The following KMT2D variants were observed in gnomAD, a reference collection of about 807,000 sequenced individuals.
KMT2D encodes histone-lysine N-methyltransferase 2D.
KMT2D carries 55 observed loss-of-function variants against 512.7 expected under a neutral mutation model. The ratio of observed to expected loss-of-function variants is 0.11; its 90% confidence interval spans 0.09 to 0.13. KMT2D has a LOEUF of 0.13. Among genes scored for constraint, KMT2D ranks in the 10% least tolerant of loss-of-function variants. The pLI, the probability that KMT2D is intolerant of heterozygous loss-of-function variation, is 1.00. For missense variants in KMT2D, 6,061 were observed against 7,127.9 expected, an observed-to-expected ratio of 0.85 and a Z score of 5.39; for synonymous variants, 2,995 against 2,904.0, an observed-to-expected ratio of 1.03 and a Z score of -1.01.
rs1943074670 is a variant in KMT2D at position 49,033,775 on chromosome 12, G to A, written c.10930C>T (p.Pro3644Ser). 1.2e-6 allele frequency: 2 copies of A among 1,608,820 alleles called. No individual in the cohort carries two copies. Among genetic ancestry groups the A allele is most frequent in the African/African-American group, 2.7e-5 (2 of 74,784 alleles). Reference protein sequence around the residue: ...QLLPGHGLQPPQGPPGGQAGG... With the variant: ...QLLPGHGLQPSQGPPGGQAGG... ...GCTTGCCCACCCGGAGGCCCCTGTG[G>A]TGGCTGCAGCCCATGGCCAGGGAGC... The change falls in exon 40 of 55, where the codon CCA becomes TCA. Residue 3644 changes from proline to serine, a missense_variant. By Grantham distance (74) the Pro-to-Ser change is moderately conservative. Around this residue, in one of 16 missense-constraint regions of KMT2D, gnomAD observed 1,600 missense variants for 1,754.9 expected, o/e 0.91. Coordinates refer to ENST00000301067, the MANE Select transcript of KMT2D (RefSeq NM_003482.4).
In KMT2D at chr12:49,049,979, G is replaced by A. The variant is rs1267336303; in HGVS notation, c.3609C>T (p.Asp1203=). 1.2e-6 allele frequency: 2 copies of A among 1,613,994 alleles called. No homozygotes were observed. Among genetic ancestry groups the A allele is most frequent in the South Asian group, 2.2e-5 (2 of 91,090 alleles). The part of the protein sequence containing the change: ...APTPPTLIKS[D]IVNEISNLSQ... ...TCAGATTAGAGATCTCGTTAACGATGTCGGATTTGATGAGAGTGGGTGGTG... is the reference window on the plus strand; with the variant it reads ...TCAGATTAGAGATCTCGTTAACGATATCGGATTTGATGAGAGTGGGTGGTG... The change falls in exon 12 of 55, where the codon GAC becomes GAT. Residue 1203 remains aspartate (D), a synonymous_variant. Coordinates refer to ENST00000301067, the MANE Select transcript of KMT2D (RefSeq NM_003482.4).
Position 49,060,332 on chromosome 12 carries a change from C to T in KMT2D, c.-757G>A, listed in dbSNP as rs555042375. Among the ~76,000 whole-genome samples, 142 of 152,138 alleles carry T rather than the reference C, an allele frequency of 9.3e-4. No homozygotes were observed. The highest frequency in any genetic ancestry group is 3.3e-3 in the African/African-American group (135 of 41,522). On this transcript the variant is annotated 5_prime_UTR_variant, in exon 1 of 55. Transcript: ENST00000301067. ...AGGGGCGGGCGGTGCGAGCCCTCTG[C>T]CCGCTCCCCTCCGGCCGCTCCAGGC...
rs1274408974 is a variant in KMT2D, at chr12:49,033,224, C to T, written c.11481G>A (p.Val3827=). The T allele has an allele frequency of 6.4e-7, 1 of 1,551,886 alleles. No individual in the cohort carries two copies. Among genetic ancestry groups the T allele is most frequent in the African/African-American group, 1.4e-5 (1 of 73,188 alleles). The part of the protein sequence containing the change: ...ALGPQGPHRQ[V]LMTQSRVLSS... ...TGAGCACCCGGGACTGGGTCATAAG[C>T]ACCTGTCTGTGAGGGCCCTGGGGGC... Residue 3827 remains valine (V), a synonymous_variant, in exon 40 of 55, where the codon GTG becomes GTA. Coordinates refer to ENST00000301067, the MANE Select transcript of KMT2D (RefSeq NM_003482.4).
intron 46 of KMT2D, among the ~76,000 whole-genome samples, chr12:49,028,508 C>T (rs907591187): frequency 2.0e-5 from 3 of 152,114 alleles, no homozygotes; most frequent in Non-Finnish European, 4.4e-5. Context: ...CCACAAAAGC[C>T]CGTTAATATT....
At chr12:49,029,376 T>A (rs746309028) in intron 44 of KMT2D, 25 bp downstream of exon 44, 3 of 1,555,928 alleles carry the variant, frequency 1.9e-6, no homozygotes, top group Admixed American at 3.9e-5. Context: ...TTGTTCCTCA[T>A]CCCCATTTCT....
chr12:49,023,881 T>C (rs1252327257), intron 51 of KMT2D, among the ~76,000 whole-genome samples: 1 of 152,138 alleles, frequency 6.6e-6, no homozygotes, highest in Non-Finnish European at 1.5e-5. Flanking sequence ...CCACAGATTC[T>C]GCCTCCCTCT....
rs536527123 is a variant in KMT2D at position 49,021,662 on chromosome 12, C to G, written c.*118G>C. ...GCCTCCTGCTCCAGGGGCTCCGGGT[C>G]AGCCGGCAGCCCCAACCCTGGGTCC... On this transcript the variant is annotated 3_prime_UTR_variant, in exon 55 of 55. Transcript: ENST00000301067. 5.9e-6 allele frequency: 5 copies of G among 848,308 alleles called. No homozygotes were observed. The highest frequency in any genetic ancestry group is 9.3e-6 in the Non-Finnish European group (5 of 540,430). 52.5% of individuals were successfully genotyped at this position (848,308 alleles called of 1,614,324 possible).
Position 49,041,222 on chromosome 12 carries a change from T to C in KMT2D, c.6548A>G (p.Tyr2183Cys), listed in dbSNP as rs1281047785. The C allele has an allele frequency of 1.6e-5, 24 of 1,511,656 alleles. No individual in the cohort carries two copies. The East Asian group carries it at 5.5e-4, about 35-fold the overall frequency. 93.6% of individuals were successfully genotyped at this position (1,511,656 alleles called of 1,614,324 possible). ...CGTGGGGAAGCGGGGCTCCAGGGGA[T>C]AGGCAGGGGCCAGTCCAAAGGGGTC... ...SQDPFGLAPA[Y>C]PLEPRFPTAP... The change falls in exon 32 of 55, where the codon TAT (tyrosine) becomes TGT (cysteine). Residue 2183 changes from tyrosine to cysteine, a missense_variant. Transcript: ENST00000301067. The surrounding 1 kb of genome is among the most constrained non-coding windows in gnomAD (Gnocchi z 5.4).
At chr12:49,048,186 A>G (rs1565809813) in intron 14 of KMT2D, 117 bp from the exon 15 acceptor site, 1 of 663,180 alleles carries the variant, frequency 1.5e-6, no homozygotes, top group Non-Finnish European at 2.6e-6. Flanking sequence ...CCCATCCCAC[A>G]GCGTTAGGAT....
chr12:49,058,798 A>G (rs1938562759), intron 1 of KMT2D, among the ~76,000 whole-genome samples: 1 of 152,212 alleles, frequency 6.6e-6, no homozygotes, highest in South Asian at 2.1e-4. Flanking sequence ...CCAGCTCTCC[A>G]TACCAGGCCG....
chr12:49,026,904 C>T lies in KMT2D; in HGVS notation c.15062G>A (p.Arg5021Gln), dbSNP rs754444347. 5 of 1,614,018 alleles carry T rather than the reference C, an allele frequency of 3.1e-6. No homozygotes were observed. Among genetic ancestry groups the T allele is most frequent in the Middle Eastern group, 3.3e-4 (2 of 6,062 alleles). Residue 5021 changes from arginine to glutamine, a missense_variant, in exon 49 of 55, where the codon CGA becomes CAA. Physicochemically the swap from Arg to Gln is conservative, Grantham distance 43. Coordinates refer to ENST00000301067, the MANE Select transcript of KMT2D (RefSeq NM_003482.4). The surrounding 1 kb of genome is among the most constrained non-coding windows in gnomAD (Gnocchi z 9.6). ...CATGTCTCGCGGTACCTTGTCAGGT[C>T]GCAAGGCTGTGCCAAGCTGCTCCAT... ...EFMEQLGTALRPDKVPRDMRR... is the reference protein window; with the variant it reads ...EFMEQLGTALQPDKVPRDMRR...
rs1333286377 is a variant in KMT2D at position 49,031,158 on chromosome 12, C to G, written c.13530+17G>C. The G allele has an allele frequency of 6.2e-7, 1 of 1,607,280 alleles. No individual in the cohort carries two copies. Among genetic ancestry groups the G allele is most frequent in the Admixed American group, 1.7e-5 (1 of 59,886 alleles). On this transcript the variant is annotated intron_variant, in intron 40 of 54. Coordinates refer to ENST00000301067, the MANE Select transcript of KMT2D (RefSeq NM_003482.4). ...TAGGACCCACTCTACCTGCTCCACT[C>G]TACTCAGAGTACTCACCTCCTTGTT...
intron 1 of KMT2D, among the ~76,000 whole-genome samples, chr12:49,058,651 C>A (rs1341391739): frequency 6.6e-6 from 1 of 152,184 alleles, no homozygotes; most frequent in Non-Finnish European, 1.5e-5. Context: ...CAAGCAATTT[C>A]TCCTCCAGAG....
At chr12:49,045,313 G>T (rs758410137) in intron 19 of KMT2D, among the ~76,000 whole-genome samples, 3 of 152,134 alleles carry the variant, frequency 2.0e-5, no homozygotes, top group Non-Finnish European at 4.4e-5. Flanking sequence ...GCCATATCAC[G>T]ATGGAGATGT....
intron 35 of KMT2D, 51 bp downstream of exon 35, chr12:49,037,074 G>C (rs2120473309): frequency 2.0e-6 from 3 of 1,520,432 alleles, no homozygotes; most frequent in Non-Finnish European, 1.8e-6. Flanking sequence ...CCCATTTAGG[G>C]ATAACAATAA....
chr12:49,025,551 CTA>C (rs1226971774), intron 49 of KMT2D, among the ~76,000 whole-genome samples: 2 of 152,166 alleles, frequency 1.3e-5, no homozygotes, highest in Non-Finnish European at 2.9e-5. Context: ...GTAGTACACT[CTA>C]TGAAGTTCAC....
chr12:49,021,481 C>T lies in KMT2D; in HGVS notation c.*299G>A, dbSNP rs1162770593. 3.3e-5 allele frequency: 15 copies of T among 455,948 alleles called. No homozygotes were observed. Among genetic ancestry groups the T allele is most frequent in the African/African-American group, 7.8e-5 (4 of 51,204 alleles). The allele number at this position is 455,948 out of a possible 1,614,324, so 28.2% of individuals were successfully genotyped here. A position where few individuals can be genotyped will look rare whatever the true frequency, so the allele number is the denominator to read the frequency against. On this transcript the variant is annotated 3_prime_UTR_variant, in exon 55 of 55. Transcript: ENST00000301067. ...CTCCCAGATGCTTCTGGGTAGTTCC[C>T]GGCCCATATCCCCCTCAAACCTGAG...
rs1937751206 is a variant in KMT2D, at chr12:49,049,144, G to A, written c.3981C>T (p.Ala1327=). 6.2e-7 allele frequency: 1 copy of A among 1,611,734 alleles called. No homozygotes were observed. The highest frequency in any genetic ancestry group is 8.5e-7 in the Non-Finnish European group (1 of 1,178,830). The change falls in exon 13 of 55, where the codon GCC becomes GCT. Residue 1327 remains alanine, a synonymous_variant. Coordinates refer to ENST00000301067, the MANE Select transcript of KMT2D (RefSeq NM_003482.4). Reference sequence around the variant, plus strand: ...TGGAAGAAGCAGTTGACTTTAGCCGGGCCCGTCCTCTACCACGTCCTCCAT... The same window carrying A: ...TGGAAGAAGCAGTTGACTTTAGCCGAGCCCGTCCTCTACCACGTCCTCCAT... ...GAHGGRGRGR[A]RLKSTASSIE... is the part of the protein sequence containing the mutation.
chr12:49,044,335 C>A lies in KMT2D; in HGVS notation c.5084-31G>T, dbSNP rs2120581591. ...AGGAGGCAGAGTTGTGGATGAGAAG[C>A]CGCTGGGGGACCTATTGAGCTGCCC... On this transcript the variant is annotated intron_variant, in intron 21 of 54. Coordinates refer to ENST00000301067, the MANE Select transcript of KMT2D (RefSeq NM_003482.4). This position sits in a 1 kb window ranked among gnomAD's most constrained non-coding sequence, Gnocchi z 6.4. 1 of 1,613,804 alleles carries A rather than the reference C, an allele frequency of 6.2e-7. No homozygotes were observed. The highest frequency in any genetic ancestry group is 1.1e-5 in the South Asian group (1 of 91,070).
Sources: gnomAD v4.1 joint callset for allele counts (sites outside exome capture counted in the v4.1 genomes callset) on GRCh38, gnomAD v4.1.1 for gene constraint, gnomAD v4.1.1 regional missense constraint, Gnocchi (gnomAD v3.1) non-coding constraint, MANE v1.5 for transcripts, NCBI Gene and HGNC (gene_info 2026-07-23, HGNC 2026-07-21) for gene names.